The following CCDC77 variants were observed in gnomAD, a reference collection of about 807,000 sequenced individuals.
CCDC77 encodes the protein coiled-coil domain-containing protein 77.
In CCDC77, 56 loss-of-function variants were observed where a neutral mutation model predicts 66.8. That is an observed-to-expected ratio of 0.84 (90% CI 0.68 to 1.05). The LOEUF is 1.05. Among genes scored for constraint, CCDC77 ranks in the 50% least tolerant of loss-of-function variants. CCDC77 has a pLI of 0.00. For missense variants in CCDC77, 570 were observed against 576.8 expected (o/e 0.99, Z 0.12); for synonymous variants, 196 against 195.2 (o/e 1.00, Z -0.03).
intron 9 of CCDC77, 108 bp downstream of exon 9, chr12:433,430 C>T: frequency 6.8e-7 from 1 of 1,477,772 alleles, no homozygotes; most frequent in Non-Finnish European, 9.0e-7. Flanking sequence ...TAAAGGGAGC[C>T]TTGAAAAGAC....
chr12:412,564 A>G (rs774128527), intron 4 of CCDC77, among the ~76,000 whole-genome samples: 1 of 152,106 alleles, frequency 6.6e-6, no homozygotes, highest in Non-Finnish European at 1.5e-5. Context: ...CCTGGCCTCT[A>G]CCCGCTGGAT....
rs1591998688 is a variant in CCDC77, at chr12:442,075, A to G, written c.*155A>G. ...GCTTGAAGAATCGGGGACCACTAGG[A>G]AAGCTTTTCTTGCATACTCAGCTTG... On this transcript the variant is annotated 3_prime_UTR_variant, in exon 13 of 13. Coordinates refer to ENST00000239830, the MANE Select transcript of CCDC77 (RefSeq NM_032358.4). 1 of 789,746 alleles carries G rather than the reference A, an allele frequency of 1.3e-6. No homozygotes were observed. Among genetic ancestry groups the G allele is most frequent in the Non-Finnish European group, 2.0e-6 (1 of 492,434 alleles). 48.9% of individuals were successfully genotyped at this position (789,746 alleles called of 1,614,324 possible).
In CCDC77 at chr12:418,511, T is replaced by G; in HGVS notation, c.288T>G (p.Asp96Glu). ...ACEGQHKLECDLQQREEEIAE... is the reference protein window; with the variant it reads ...ACEGQHKLECELQQREEEIAE... Reference sequence around the variant, plus strand: ...TTTTGCAGCATAAACTTGAATGTGATTTGCAGCAGAGGGAGGAAGAGATTG... The same window carrying G: ...TTTTGCAGCATAAACTTGAATGTGAGTTGCAGCAGAGGGAGGAAGAGATTG... Residue 96 changes from aspartate (D) to glutamate (E), a missense_variant, in exon 5 of 13, where the codon GAT (aspartate) becomes GAG (glutamate). Physicochemically the swap from Asp to Glu is conservative, Grantham distance 45 (BLOSUM62 2). Transcript: ENST00000239830. 6.2e-7 allele frequency: 1 copy of G among 1,614,114 alleles called. No individual in the cohort carries two copies. Among genetic ancestry groups the G allele is most frequent in the Non-Finnish European group, 8.5e-7 (1 of 1,180,012 alleles).
intron 8 of CCDC77, among the ~76,000 whole-genome samples, chr12:432,198 C>T (rs1381224204): frequency 6.6e-6 from 1 of 152,188 alleles, no homozygotes; most frequent in Non-Finnish European, 1.5e-5. Context: ...AAGCCCCATC[C>T]ACCAAAACCA....
rs1362398173 is a variant in CCDC77 at position 433,128 on chromosome 12, A to C, written c.673-46A>C. The stretch of plus-strand genomic sequence containing the variant: ...CTCACTTTTCCTAGAGGTATGAAGT[A>C]AGTGGAAGTAGGGCTGGATTCCTCA... On this transcript the variant is annotated intron_variant, in intron 8 of 12. Transcript: ENST00000239830. 1.9e-6 allele frequency: 3 copies of C among 1,567,436 alleles called. No homozygotes were observed. In the South Asian group the frequency reaches 3.5e-5, roughly 18 times the overall value.
At chr12:415,479 TTGA>T (rs1472939672) in intron 4 of CCDC77, among the ~76,000 whole-genome samples, 10 of 147,446 alleles carry the variant, frequency 6.8e-5, no homozygotes, top group African/African-American at 2.5e-4. Flanking sequence ...TAATAATATG[TTGA>T]TATTATTAAC....
Position 415,355 on chromosome 12 carries a change from A to ATTATGTTAATATAATCAAC in CCDC77, c.271-3139_271-3138insTTATGTTAATATAATCAAC, listed in dbSNP as rs1565568015. 2.5e-4 allele frequency among the ~76,000 whole-genome samples: 19 copies of ATTATGTTAATATAATCAAC among 76,674 alleles called. 3 individuals carry two copies. Among genetic ancestry groups the ATTATGTTAATATAATCAAC allele is most frequent in the African/African-American group, 9.1e-4 (19 of 20,828 alleles). The allele number at this position is 76,674 out of a possible 152,430, so 50.3% of individuals were successfully genotyped here. A position where few individuals can be genotyped will look rare whatever the true frequency, so the allele number is the denominator to read the frequency against. On this transcript the variant is annotated intron_variant, in intron 4 of 12. Coordinates refer to ENST00000239830, the MANE Select transcript of CCDC77 (RefSeq NM_032358.4). ...AATATTATGTTAATATAATCAACAT[A>ATTATGTTAATATAATCAAC]ATATTATGTTAATATAATCAACATA...
intron 9 of CCDC77, among the ~76,000 whole-genome samples, chr12:435,835 C>T (rs1201414427): frequency 1.3e-5 from 2 of 152,066 alleles, no homozygotes; most frequent in Non-Finnish European, 2.9e-5. Context: ...AACTCCTGGG[C>T]GCAAGCAATC....
chr12:438,593 T>C, intron 10 of CCDC77, 39 bp downstream of exon 10: 1 of 1,490,242 alleles, frequency 6.7e-7, no homozygotes, highest in Non-Finnish European at 9.2e-7. Flanking sequence ...TTTATTTTTC[T>C]GGGAGAGTTG....
rs180979976 is a variant in CCDC77 at position 413,379 on chromosome 12, G to C, written c.270+1401G>C. Among the ~76,000 whole-genome samples the C allele has an allele frequency of 8.6e-5, 13 of 150,638 alleles. No homozygotes were observed. The East Asian group carries it at 2.6e-3, about 30-fold the overall frequency. On this transcript the variant is annotated intron_variant, in intron 4 of 12. Coordinates refer to ENST00000239830, the MANE Select transcript of CCDC77 (RefSeq NM_032358.4). ...AGCCTCCCGAGTAGCTGGGACTACT[G>C]GTGCCTGCCACCATGCCCAGCTAAT... is the stretch of plus-strand genomic sequence containing the variant.
intron 5 of CCDC77, among the ~76,000 whole-genome samples, chr12:422,279 A>C (rs1945414142): frequency 6.6e-6 from 1 of 152,236 alleles, no homozygotes. Context: ...AAACACACAT[A>C]GCAAAAAGTT....
At chr12:426,766 G>A (rs547627321) in intron 5 of CCDC77, among the ~76,000 whole-genome samples, 2 of 152,150 alleles carry the variant, frequency 1.3e-5, no homozygotes, top group South Asian at 2.1e-4. Flanking sequence ...ATCTGGTGTC[G>A]GTGTCAGCTT....
In CCDC77 at chr12:411,903, G is replaced by C. The variant is rs748519214; in HGVS notation, c.195G>C (p.Lys65Asn). The C allele has an allele frequency of 1.2e-6, 2 of 1,614,002 alleles. No homozygotes were observed. Among genetic ancestry groups the C allele is most frequent in the Non-Finnish European group, 8.5e-7 (1 of 1,180,018 alleles). The change falls in exon 4 of 13, where the codon AAG becomes AAC. Residue 65 changes from lysine to asparagine, a missense_variant. Physicochemically the swap from Lys to Asn is moderately conservative, Grantham distance 94 (BLOSUM62 0). Transcript: ENST00000239830. ...SKELLEYYQK[K>N]MAECEAENED... The stretch of plus-strand genomic sequence containing the variant: ...AGCTCCTGGAATATTATCAAAAGAA[G>C]ATGGCTGAGTGTGAGGCAGAAAATG...
intron 4 of CCDC77, among the ~76,000 whole-genome samples, chr12:418,161 A>C (rs777701906): frequency 9.9e-5 from 15 of 152,112 alleles, no homozygotes; most frequent in Non-Finnish European, 1.9e-4. Flanking sequence ...TCTACTAAAA[A>C]TACAAAAATT....
At chr12:423,499 T>TTG (rs1945470732) in intron 5 of CCDC77, among the ~76,000 whole-genome samples, 5 of 81,506 alleles carry the variant, frequency 6.1e-5, no homozygotes, top group Non-Finnish European at 1.2e-4. Flanking sequence ...GTTTTGTTTT[T>TTG]TTTTTTTTTT....
At chr12:423,498 T>TG (rs1565572284) in intron 5 of CCDC77, among the ~76,000 whole-genome samples, 2 of 77,580 alleles carry the variant, frequency 2.6e-5, no homozygotes, top group African/African-American at 5.5e-5. Context: ...TGTTTTGTTT[T>TG]TTTTTTTTTT....
At chr12:425,423 C>T (rs1451133095) in intron 5 of CCDC77, among the ~76,000 whole-genome samples, 1 of 151,764 alleles carries the variant, frequency 6.6e-6, no homozygotes, top group African/African-American at 2.4e-5. Context: ...TACCTTGTGC[C>T]ACCACAGACA....
intron 1 of CCDC77, among the ~76,000 whole-genome samples, chr12:392,364 A>G (rs534788808): frequency 2.0e-5 from 3 of 152,182 alleles, no homozygotes; most frequent in Non-Finnish European, 4.4e-5. Context: ...AAATTACTGA[A>G]TTCTTAAACA....
intron 7 of CCDC77, among the ~76,000 whole-genome samples, chr12:431,035 G>A (rs1251817211): frequency 4.9e-5 from 7 of 142,158 alleles, no homozygotes; most frequent in Admixed American, 4.4e-4. Context: ...AGCTGAGATC[G>A]TGCCATTGCG....
Sources: allele counts gnomAD v4.1 joint callset (sites outside exome capture counted in the v4.1 genomes callset), GRCh38; gene constraint gnomAD v4.1.1; transcripts MANE v1.5; gene names NCBI Gene and HGNC (gene_info 2026-07-23, HGNC 2026-07-21).